PDE5A: variants seen among roughly 807,000 people sequenced by gnomAD.
PDE5A encodes phosphodiesterase 5A.
In PDE5A, 67 loss-of-function variants were observed where a neutral mutation model predicts 110.2. The observed-to-expected ratio is 0.61, with a 90% CI of 0.50 to 0.75. The LOEUF is 0.75. PDE5A is among the 30% of genes least tolerant of loss of function. The pLI is 0.00. For synonymous variants in PDE5A, 328 were observed against 351.2 expected, an observed-to-expected ratio of 0.93 and a Z score of 0.74; for missense variants, 862 against 1,045.1, an observed-to-expected ratio of 0.82 and a Z score of 2.42.
At chr4:119,591,153 G>A (rs953539633) in intron 3 of PDE5A, among the ~76,000 whole-genome samples, 1 of 152,164 alleles carries the variant, frequency 6.6e-6, no homozygotes, top group African/African-American at 2.4e-5. Context: ...GCTGAGTACT[G>A]GCTTTGGTCC....
chr4:119,550,045 C>T (rs1471169993), intron 9 of PDE5A: 4 of 152,174 alleles, frequency 2.6e-5, no homozygotes, highest in Admixed American at 6.5e-5. Context: ...GACAAATTAT[C>T]CACAACCATG....
chr4:119,502,561 C>A lies in PDE5A; in HGVS notation c.2406+20G>T. ...AAAAAACAATTTGAATAATTCCTAC[C>A]AACAAGGTTTCATACTTACAGTGGG... On this transcript the variant is annotated intron_variant, in intron 19 of 20. Coordinates refer to ENST00000354960, the MANE Select transcript of PDE5A (RefSeq NM_001083.4). The A allele has an allele frequency of 7.0e-7, 1 of 1,431,704 alleles. No homozygotes were observed. The highest frequency in any genetic ancestry group is 1.2e-5 in the South Asian group (1 of 82,404). The allele number at this position is 1,431,704 out of a possible 1,614,324, so 88.7% of individuals were successfully genotyped here.
At chr4:119,580,611 A>C (rs912672248) in intron 3 of PDE5A, among the ~76,000 whole-genome samples, 3 of 152,210 alleles carry the variant, frequency 2.0e-5, no homozygotes, top group African/African-American at 7.2e-5. Context: ...TCTCACTAGG[A>C]ATTCAAAACC....
In PDE5A at chr4:119,553,758, A is replaced by G. The variant is rs1484023575; in HGVS notation, c.1200-12T>C. 1 of 1,365,800 alleles carries G rather than the reference A, an allele frequency of 7.3e-7. No homozygotes were observed. The highest frequency in any genetic ancestry group is 1.4e-5 in the African/African-American group (1 of 70,334). 84.6% of individuals were successfully genotyped at this position (1,365,800 alleles called of 1,614,324 possible). ...TTGCATCATGTTCCCTGTGAAAATA[A>G]CAGATATGAGTTCCCTCTGTGCAGT... On this transcript the variant is annotated splice_polypyrimidine_tract_variant and intron_variant, in intron 7 of 20. Coordinates refer to ENST00000354960, the MANE Select transcript of PDE5A (RefSeq NM_001083.4).
At chr4:119,509,243 C>G (rs1725659520) in intron 15 of PDE5A, among the ~76,000 whole-genome samples, 1 of 152,042 alleles carries the variant, frequency 6.6e-6, no homozygotes, top group Non-Finnish European at 1.5e-5. Flanking sequence ...ATTGGTTCCT[C>G]TGGAAGTAAC....
Position 119,523,543 on chromosome 4 carries a change from G to A in PDE5A, c.1779+2006C>T, listed in dbSNP as rs566983589. ...CAGCCAGAATGATGGCAATGTTCAA[G>A]TTTGATGTTGGCCAGAATTAGAATA... On this transcript the variant is annotated intron_variant, in intron 12 of 20. Coordinates refer to ENST00000354960, the MANE Select transcript of PDE5A (RefSeq NM_001083.4). Among the ~76,000 whole-genome samples the A allele has an allele frequency of 1.3e-4, 20 of 152,140 alleles. 1 individual carries two copies. The East Asian group carries it at 3.9e-3, about 29-fold the overall frequency.
intron 1 of PDE5A, among the ~76,000 whole-genome samples, chr4:119,611,933 C>T (rs1404162378): frequency 6.6e-6 from 1 of 152,212 alleles, no homozygotes; most frequent in Admixed American, 6.5e-5. Flanking sequence ...TTCTGCAGTG[C>T]ACAATCTATA....
intron 10 of PDE5A, among the ~76,000 whole-genome samples, chr4:119,540,797 C>T (rs1176671897): frequency 2.0e-5 from 3 of 151,958 alleles, no homozygotes; most frequent in Admixed American, 6.6e-5. Flanking sequence ...TTTTGAAGAC[C>T]TGAGGGGTTT....
At chr4:119,565,180 A>AT (rs1727880838) in intron 5 of PDE5A, 141 bp downstream of exon 5, 1 of 620,520 alleles carries the variant, frequency 1.6e-6, no homozygotes, top group Non-Finnish European at 2.9e-6. Flanking sequence ...GGAAATACAA[A>AT]TGACTACTAG....
At chr4:119,595,456 T>A (rs1444406040) in intron 3 of PDE5A, among the ~76,000 whole-genome samples, 3 of 152,080 alleles carry the variant, frequency 2.0e-5, no homozygotes, top group African/African-American at 7.2e-5. Flanking sequence ...CAGAAGAAAT[T>A]AGCATTTGAA....
chr4:119,585,070 T>C (rs1207191906), intron 3 of PDE5A, among the ~76,000 whole-genome samples: 1 of 151,902 alleles, frequency 6.6e-6, no homozygotes, highest in African/African-American at 2.4e-5. Context: ...GGTCAGGAGT[T>C]TGAGACCTGC....
At chr4:119,570,042 A>T (rs1006200362) in intron 3 of PDE5A, among the ~76,000 whole-genome samples, 10 of 152,220 alleles carry the variant, frequency 6.6e-5, no homozygotes, top group Non-Finnish European at 1.3e-4. Context: ...GAAGGATGAC[A>T]TTTGAAAAAT....
At chr4:119,618,217 TAC>T (rs766810229) in intron 1 of PDE5A, among the ~76,000 whole-genome samples, 6 of 152,230 alleles carry the variant, frequency 3.9e-5, no homozygotes, top group Non-Finnish European at 7.3e-5. Flanking sequence ...TGGAGTCAGA[TAC>T]ACAGTGTTTC....
At chr4:119,586,571 C>G (rs563297875) in intron 3 of PDE5A, among the ~76,000 whole-genome samples, 1 of 152,232 alleles carries the variant, frequency 6.6e-6, no homozygotes, top group African/African-American at 2.4e-5. Context: ...TACATGAAAA[C>G]ATGAAAATTA....
chr4:119,519,378 A>G, intron 13 of PDE5A: 1 of 438,336 alleles, frequency 2.3e-6, no homozygotes, highest in Non-Finnish European at 4.0e-6. Context: ...ATGCCTCAAT[A>G]AATTAATAAT....
At chr4:119,608,840 C>T (rs1471608945) in intron 1 of PDE5A, among the ~76,000 whole-genome samples, 1 of 152,176 alleles carries the variant, frequency 6.6e-6, no homozygotes, top group African/African-American at 2.4e-5. Context: ...TGTAGTCACT[C>T]TCCAAAGTTT....
intron 10 of PDE5A, among the ~76,000 whole-genome samples, chr4:119,540,201 A>T (rs1269766920): frequency 2.0e-5 from 3 of 151,926 alleles, no homozygotes; most frequent in Non-Finnish European, 4.4e-5. Flanking sequence ...ATTGATGAAA[A>T]GGTAGCTCAT....
At chr4:119,567,041 A>C in intron 4 of PDE5A, 32 bp downstream of exon 4, 1 of 1,485,118 alleles carries the variant, frequency 6.7e-7, no homozygotes, top group Non-Finnish European at 9.4e-7. Context: ...CATCTTCCTA[A>C]ATTGGCTCAT....
At chr4:119,563,023 A>G (rs1449064724) in intron 5 of PDE5A, 53 bp from the exon 6 acceptor site, 8 of 1,457,460 alleles carry the variant, frequency 5.5e-6, no homozygotes, top group Non-Finnish European at 7.4e-6. Flanking sequence ...TAATTATTAA[A>G]GCACAATTAT....
Sources: gnomAD v4.1 joint callset for allele counts (sites outside exome capture counted in the v4.1 genomes callset) on GRCh38, gnomAD v4.1.1 for gene constraint, MANE v1.5 for transcripts, NCBI Gene and HGNC (gene_info 2026-07-23, HGNC 2026-07-21) for gene names.